Variants in PCDHA5 observed in about 807,000 individuals in gnomAD.
PCDHA5 encodes protocadherin alpha-5.
Under a neutral mutation model 61.6 loss-of-function variants are expected in PCDHA5, and 43 were observed. The observed-to-expected ratio is 0.70, with a 90% CI of 0.55 to 0.90. The LOEUF (loss-of-function observed/expected upper bound fraction) is 0.90, where lower values mean the gene tolerates loss of function less well. Ranked by LOEUF, PCDHA5 falls within the 40% of genes least tolerant of loss-of-function variation. The pLI is 0.00. For missense variants in PCDHA5, 1,298 were observed against 1,222.7 expected, an observed-to-expected ratio of 1.06 and a Z score of -0.92; for synonymous variants, 627 against 543.9, an observed-to-expected ratio of 1.15 and a Z score of -2.13.
At chr5:140,880,693 T>C (rs2058435381) in intron 1 of PCDHA5, among the ~76,000 whole-genome samples, 1 of 152,222 alleles carries the variant, frequency 6.6e-6, no homozygotes. Context: ...TAGTCATGGT[T>C]AAGTGACAAT....
At chr5:140,931,751 A>G (rs1393748704) in intron 1 of PCDHA5, among the ~76,000 whole-genome samples, 2 of 151,952 alleles carry the variant, frequency 1.3e-5, no homozygotes, top group African/African-American at 4.8e-5. Context: ...TCACAAAGGC[A>G]TTTGTTATTT....
At chr5:140,966,695 C>A in intron 1 of PCDHA5, 1 of 1,358,486 alleles carries the variant, frequency 7.4e-7, no homozygotes, top group Non-Finnish European at 9.5e-7. Flanking sequence ...AGGCGGGGCC[C>A]GGGCGTGGGG....
chr5:140,883,483 C>A, intron 1 of PCDHA5: 1 of 1,614,196 alleles, frequency 6.2e-7, no homozygotes, highest in African/African-American at 1.3e-5. Flanking sequence ...AGAACTACTA[C>A]TCATTAGTGC....
chr5:140,868,834 A>G (rs1554162245), intron 1 of PCDHA5: 10 of 427,500 alleles, frequency 2.3e-5, no homozygotes, highest in Non-Finnish European at 8.0e-6. Context: ...AAGAAACCCA[A>G]AACACGTGAA....
intron 1 of PCDHA5, chr5:140,858,677 T>A (rs1480959792): frequency 3.2e-6 from 2 of 629,026 alleles, no homozygotes; most frequent in African/African-American, 3.7e-5. Context: ...TTATTCTGAA[T>A]ACACTAATAT....
chr5:140,910,022 C>G (rs2074840302), intron 1 of PCDHA5, among the ~76,000 whole-genome samples: 1 of 152,174 alleles, frequency 6.6e-6, no homozygotes, highest in South Asian at 2.1e-4. Context: ...CCTTGTATCC[C>G]TGGGATAAAT....
At chr5:140,876,181 G>A in intron 1 of PCDHA5, 9 of 1,613,980 alleles carry the variant, frequency 5.6e-6, no homozygotes, top group Non-Finnish European at 7.6e-6. Flanking sequence ...GGATGTGAAT[G>A]ACAATGGTCC....
intron 1 of PCDHA5, among the ~76,000 whole-genome samples, chr5:140,955,418 G>A: frequency 6.6e-6 from 1 of 152,140 alleles, no homozygotes; most frequent in Non-Finnish European, 1.5e-5. Flanking sequence ...ATGATAGTGA[G>A]TGAGTTCTCA....
intron 1 of PCDHA5, among the ~76,000 whole-genome samples, chr5:140,919,654 C>CAT (rs1554199189): frequency 6.6e-6 from 1 of 151,822 alleles, no homozygotes; most frequent in African/African-American, 2.4e-5. Context: ...TAGAGTTTAC[C>CAT]ATATATATTT....
chr5:140,861,018 C>T (rs1263823889), intron 1 of PCDHA5: 1 of 152,248 alleles, frequency 6.6e-6, no homozygotes, highest in South Asian at 2.1e-4. Context: ...CGAGTGCCAC[C>T]GCACCCGGCC....
In PCDHA5 at chr5:140,850,799, C is replaced by T. The variant is rs2150498794; in HGVS notation, c.2352+26672C>T. On this transcript the variant is annotated intron_variant, in intron 1 of 3. Coordinates refer to ENST00000529859, the MANE Select transcript of PCDHA5 (RefSeq NM_018908.3). ...CTGGCGAGGGTAAGCAGAAGACCGA[C>T]CTCATGGCCTTCAGCCCGGGCCTTT... The T allele has an allele frequency of 1.8e-4, 280 of 1,598,266 alleles. 23 individuals are homozygous for T. The Admixed American group carries it at 4.6e-3, about 26-fold the overall frequency.
chr5:140,986,945 C>T (rs1295830111), intron 3 of PCDHA5, among the ~76,000 whole-genome samples: 1 of 151,946 alleles, frequency 6.6e-6, no homozygotes, highest in Non-Finnish European at 1.5e-5. Flanking sequence ...TGGGTGTGGT[C>T]GCTCATGCCT....
intron 3 of PCDHA5, among the ~76,000 whole-genome samples, chr5:140,991,619 A>G (rs1554252338): frequency 1.3e-5 from 2 of 152,206 alleles, no homozygotes; most frequent in African/African-American, 4.8e-5. Context: ...CTTTAATGCC[A>G]TATTTGTAAT....
rs2150485669 is a variant in PCDHA5, at chr5:140,850,474, C to T, written c.2352+26347C>T. On this transcript the variant is annotated intron_variant, in intron 1 of 3. Coordinates refer to ENST00000529859, the MANE Select transcript of PCDHA5 (RefSeq NM_018908.3). ...AAAGACCACGGGGAGCCAGCGCTGA[C>T]GGCCACGGCCACTGTGCTGGTGTCG... 7.5e-6 allele frequency: 12 copies of T among 1,597,644 alleles called. 2 individuals are homozygous for T. In the South Asian group the frequency reaches 1.1e-4, roughly 15 times the overall value.
chr5:140,871,445 A>C, intron 1 of PCDHA5: 1 of 1,609,986 alleles, frequency 6.2e-7, no homozygotes, highest in Non-Finnish European at 8.5e-7. Flanking sequence ...GGTCTGAATA[A>C]AGAGGAGGAA....
rs1188351170 is a variant in PCDHA5, at chr5:140,929,610, T to C, written c.2353-49339T>C. 7.3e-6 allele frequency: 3 copies of C among 408,442 alleles called. No individual in the cohort carries two copies. The South Asian group carries it at 4.1e-4, about 55-fold the overall frequency. 25.3% of individuals were successfully genotyped at this position (408,442 alleles called of 1,614,324 possible). On this transcript the variant is annotated intron_variant, in intron 1 of 3. Transcript: ENST00000529859. ...TAAAGGTCTAAAATTAAAAATAAAA[T>C]ACCAAAATATTTTATAAGCAACAGA...
At chr5:140,865,534 A>G (rs2048907246) in intron 1 of PCDHA5, 1 of 152,224 alleles carries the variant, frequency 6.6e-6, no homozygotes, top group South Asian at 2.1e-4. Flanking sequence ...CTCTTCATCC[A>G]TAGCTATAGG....
At chr5:140,975,847 C>T (rs895067113) in intron 1 of PCDHA5, among the ~76,000 whole-genome samples, 1 of 152,100 alleles carries the variant, frequency 6.6e-6, no homozygotes, top group East Asian at 1.9e-4. Flanking sequence ...TTCAGTAATA[C>T]TACATCACCC....
At chr5:140,940,271 T>C (rs1371680526) in intron 1 of PCDHA5, among the ~76,000 whole-genome samples, 1 of 152,228 alleles carries the variant, frequency 6.6e-6, no homozygotes, top group East Asian at 1.9e-4. Context: ...GGTTCCACTG[T>C]TGTCTCATTG....
Sources: allele counts gnomAD v4.1 joint callset (sites outside exome capture counted in the v4.1 genomes callset), GRCh38; gene constraint gnomAD v4.1.1; transcripts MANE v1.5; gene names NCBI Gene and HGNC (gene_info 2026-07-23, HGNC 2026-07-21).